The following ZNF277 variants were observed in gnomAD, a reference collection of about 807,000 sequenced individuals.
The protein encoded by ZNF277 is zinc finger protein 277.
Under a neutral mutation model 60.7 loss-of-function variants are expected in ZNF277, and 55 were observed. The ratio of observed to expected loss-of-function variants is 0.91; its 90% CI spans 0.73 to 1.13. The LOEUF is 1.13. Among genes scored for constraint, ZNF277 ranks in the 50% most tolerant of loss-of-function variants. The pLI is 0.00. For synonymous variants in ZNF277, 178 were observed against 179.3 expected, an observed-to-expected ratio of 0.99 and a Z score of 0.06; for missense variants, 510 against 523.0, an observed-to-expected ratio of 0.98 and a Z score of 0.24.
At chr7:112,267,871 A>G (rs1791585381) in intron 1 of ZNF277, among the ~76,000 whole-genome samples, 1 of 152,164 alleles carries the variant, frequency 6.6e-6, no homozygotes, top group Non-Finnish European at 1.5e-5. Flanking sequence ...ACCTTCACCA[A>G]GATTTCCCTG....
chr7:112,220,905 C>T (rs1284850287), intron 1 of ZNF277, among the ~76,000 whole-genome samples: 2 of 152,230 alleles, frequency 1.3e-5, no homozygotes, highest in African/African-American at 4.8e-5. Flanking sequence ...CCAGCACGGG[C>T]TACCCTCTTT....
intron 5 of ZNF277, among the ~76,000 whole-genome samples, chr7:112,326,228 C>T (rs1251553152): frequency 1.3e-5 from 2 of 151,734 alleles, no homozygotes; most frequent in African/African-American, 2.4e-5. Context: ...TCTAGATCTT[C>T]ATCCTGGAAG....
At chr7:112,265,968 G>C (rs1166170259) in intron 1 of ZNF277, among the ~76,000 whole-genome samples, 1 of 152,110 alleles carries the variant, frequency 6.6e-6, no homozygotes, top group Non-Finnish European at 1.5e-5. Context: ...CTGTAGAAAA[G>C]AAGGGTCAGT....
intron 4 of ZNF277, among the ~76,000 whole-genome samples, chr7:112,310,805 G>C (rs1236229496): frequency 6.6e-6 from 1 of 152,054 alleles, no homozygotes. Flanking sequence ...TGCCTAGCTG[G>C]TTCTGCCATG....
intron 1 of ZNF277, among the ~76,000 whole-genome samples, chr7:112,218,119 C>T (rs1001189059): frequency 2.6e-5 from 4 of 152,312 alleles, no homozygotes; most frequent in African/African-American, 7.2e-5. Flanking sequence ...GAATTAAACT[C>T]TTTCTCCATT....
At chr7:112,312,516 G>A (rs1792753795) in intron 4 of ZNF277, among the ~76,000 whole-genome samples, 1 of 152,068 alleles carries the variant, frequency 6.6e-6, no homozygotes, top group Non-Finnish European at 1.5e-5. Flanking sequence ...GCATGCTGAA[G>A]TATTTAGGAG....
At chr7:112,321,391 G>A (rs960646512) in intron 5 of ZNF277, among the ~76,000 whole-genome samples, 3 of 151,932 alleles carry the variant, frequency 2.0e-5, no homozygotes, top group African/African-American at 4.8e-5. Context: ...ACTCCTTTGT[G>A]CTATTGTTGT....
Position 112,296,043 on chromosome 7 carries a change from T to C in ZNF277, c.382+86T>C, listed in dbSNP as rs1792318653. The C allele has an allele frequency of 1.4e-5, 16 of 1,169,722 alleles. No homozygotes were observed. In the Admixed American group the frequency reaches 3.0e-4, roughly 22 times the overall value. The allele number at this position is 1,169,722 out of a possible 1,614,324, so 72.5% of individuals were successfully genotyped here. A position where few individuals can be genotyped will look rare whatever the true frequency, so the allele number is the denominator to read the frequency against. On this transcript the variant is annotated intron_variant, in intron 3 of 11. Coordinates refer to ENST00000361822, the MANE Select transcript of ZNF277 (RefSeq NM_021994.3). ...TTACTGTCTTATATTAGAATTACTT[T>C]TACTTTCATGATAGATAAAATTAAA...
chr7:112,252,299 CTG>C (rs1337826858), intron 1 of ZNF277, among the ~76,000 whole-genome samples: 1 of 152,036 alleles, frequency 6.6e-6, no homozygotes, highest in Non-Finnish European at 1.5e-5. Flanking sequence ...AACAAGGCTG[CTG>C]AGTGGAATAC....
chr7:112,272,904 G>A (rs1791706553), intron 1 of ZNF277, among the ~76,000 whole-genome samples: 1 of 152,212 alleles, frequency 6.6e-6, no homozygotes, highest in East Asian at 1.9e-4. Flanking sequence ...TTTTCACCAG[G>A]ATTTGTTATT....
chr7:112,264,915 T>C (rs1340708542), intron 1 of ZNF277, among the ~76,000 whole-genome samples: 1 of 152,216 alleles, frequency 6.6e-6, no homozygotes, highest in Non-Finnish European at 1.5e-5. Flanking sequence ...TTTTTGCTGG[T>C]GCAGGGTCTT....
At chr7:112,292,705 C>T (rs1026013500) in intron 2 of ZNF277, among the ~76,000 whole-genome samples, 1 of 152,192 alleles carries the variant, frequency 6.6e-6, no homozygotes, top group Non-Finnish European at 1.5e-5. Context: ...TCAATTCTAA[C>T]ATTTTAATTG....
At chr7:112,272,790 G>A (rs1355556091) in intron 1 of ZNF277, among the ~76,000 whole-genome samples, 4 of 152,096 alleles carry the variant, frequency 2.6e-5, no homozygotes, top group African/African-American at 7.2e-5. Flanking sequence ...CACTGTACCC[G>A]GCCTTATTTT....
intron 1 of ZNF277, among the ~76,000 whole-genome samples, chr7:112,279,977 G>A (rs1207782517): frequency 6.6e-6 from 1 of 152,124 alleles, no homozygotes; most frequent in Non-Finnish European, 1.5e-5. Context: ...CACACTAGGT[G>A]TAAACTTCTA....
chr7:112,335,135 G>A (rs968060250), intron 7 of ZNF277, among the ~76,000 whole-genome samples: 10 of 151,950 alleles, frequency 6.6e-5, no homozygotes, highest in Non-Finnish European at 1.3e-4. Context: ...ACCTTTATTT[G>A]GGGGAAAAAG....
chr7:112,268,847 G>A (rs979316756), intron 1 of ZNF277, among the ~76,000 whole-genome samples: 3 of 152,016 alleles, frequency 2.0e-5, no homozygotes, highest in South Asian at 2.1e-4. Flanking sequence ...TTCATTGATT[G>A]CCACTTAATA....
chr7:112,253,432 T>TA (rs1195486541), intron 1 of ZNF277, among the ~76,000 whole-genome samples: 9 of 152,208 alleles, frequency 5.9e-5, no homozygotes, highest in Non-Finnish European at 8.8e-5. Flanking sequence ...CGATACTTGC[T>TA]ACCCAACCTG....
chr7:112,336,294 C>A, intron 8 of ZNF277, 123 bp downstream of exon 8: 1 of 752,330 alleles, frequency 1.3e-6, no homozygotes. Context: ...CTGAGCCATG[C>A]ATCCCTTCAT....
At chr7:112,241,859 T>C (rs1045156679) in intron 1 of ZNF277, among the ~76,000 whole-genome samples, 1 of 151,880 alleles carries the variant, frequency 6.6e-6, no homozygotes, top group Admixed American at 6.6e-5. Flanking sequence ...CTGGGAAGGG[T>C]AGTGGTGGCG....
Sources: allele counts gnomAD v4.1 joint callset (sites outside exome capture counted in the v4.1 genomes callset), GRCh38; gene constraint gnomAD v4.1.1; transcripts MANE v1.5; gene names NCBI Gene and HGNC (gene_info 2026-07-23, HGNC 2026-07-21).